Variants in PLXNB1 observed in about 807,000 individuals in gnomAD.
The protein encoded by PLXNB1 is plexin-B1.
In PLXNB1, 106 loss-of-function variants were observed where a neutral mutation model predicts 209.4. That is an observed-to-expected ratio of 0.51 (90% CI 0.43 to 0.59). The LOEUF (loss-of-function observed/expected upper bound fraction) is 0.59. Ranked by LOEUF, PLXNB1 falls within the 20% of genes least tolerant of loss-of-function variation. The pLI, the probability that PLXNB1 is intolerant of heterozygous loss-of-function variation, is 0.00. For synonymous variants in PLXNB1, 1,167 were observed against 1,183.2 expected (o/e 0.99, Z 0.28); for missense variants, 2,357 against 2,853.2 (o/e 0.83, Z 3.96).
At position 48,409,858 on chromosome 3, in the gene PLXNB1, T is replaced by C; in HGVS notation, c.5778+47A>G. The C allele has an allele frequency of 1.3e-6, 2 of 1,585,098 alleles. No individual in the cohort carries two copies. The highest frequency in any genetic ancestry group is 1.7e-6 in the Non-Finnish European group (2 of 1,161,986). On this transcript the variant is annotated intron_variant, in intron 32 of 37. Transcript: ENST00000296440. The surrounding 1 kb of genome is among the most constrained non-coding windows in gnomAD (Gnocchi z 5.8). ...CACCCCCAAATCCCACGAGTGGCCA[T>C]GCTCCCTCTCAGCCCAGGCCCCACT... is the stretch of plus-strand genomic sequence containing the variant.
Position 48,404,247 on chromosome 3 carries a change from T to C in PLXNB1, c.*239A>G, listed in dbSNP as rs2037176946. 3.8e-6 allele frequency: 2 copies of C among 523,622 alleles called. No homozygotes were observed. Among genetic ancestry groups the C allele is most frequent in the Non-Finnish European group, 3.4e-6 (1 of 295,788 alleles). The allele number at this position is 523,622 out of a possible 1,614,324, so 32.4% of individuals were successfully genotyped here. A position where few individuals can be genotyped will look rare whatever the true frequency, so the allele number is the denominator to read the frequency against. On this transcript the variant is annotated 3_prime_UTR_variant, in exon 38 of 38. Coordinates refer to ENST00000296440, the MANE Select transcript of PLXNB1 (RefSeq NM_001130082.3). ...TAGTCCCCAACTCCCTGCAGACCGG[T>C]GTCACAGGGTCGCTGGACTCGGGGA... is the stretch of plus-strand genomic sequence containing the variant.
At chr3:48,407,639 G>C (rs936083752) in intron 34 of PLXNB1, among the ~76,000 whole-genome samples, 1 of 152,220 alleles carries the variant, frequency 6.6e-6, no homozygotes, top group Admixed American at 6.5e-5. Flanking sequence ...CCTCATCCTA[G>C]AGCTGCTGGG....
chr3:48,411,187 T>C lies in PLXNB1; in HGVS notation c.5248-151A>G. The C allele has an allele frequency of 1.5e-6, 1 of 666,906 alleles. No homozygotes were observed. Among genetic ancestry groups the C allele is most frequent in the Non-Finnish European group, 2.5e-6 (1 of 400,722 alleles). 41.3% of individuals were successfully genotyped at this position (666,906 alleles called of 1,614,324 possible). The stretch of plus-strand genomic sequence containing the variant: ...ATTCTCGTCTCTTCACCTGCCTGCC[T>C]TCCCCAGGGACAGCAGCTTCCTCCC... On this transcript the variant is annotated intron_variant, in intron 28 of 37. Coordinates refer to ENST00000296440, the MANE Select transcript of PLXNB1 (RefSeq NM_001130082.3). This position sits in a 1 kb window ranked among gnomAD's most constrained non-coding sequence, Gnocchi z 4.0.
chr3:48,421,928 T>C, intron 6 of PLXNB1, 122 bp from the exon 7 acceptor site: 1 of 1,444,070 alleles, frequency 6.9e-7, no homozygotes, highest in Non-Finnish European at 9.3e-7. Flanking sequence ...TAGAGGCTCC[T>C]GTGTCTGCCC....
In PLXNB1 at chr3:48,410,625, C is replaced by T; in HGVS notation, c.5417-67G>A. ...CCCTTCCCATAGTGGAGCCCATCTC[C>T]TCCTCCACAGGGACACCAGCCCCTC... On this transcript the variant is annotated intron_variant, in intron 29 of 37. Coordinates refer to ENST00000296440, the MANE Select transcript of PLXNB1 (RefSeq NM_001130082.3). This position sits in a 1 kb window ranked among gnomAD's most constrained non-coding sequence, Gnocchi z 6.4. 3 of 1,344,196 alleles carry T rather than the reference C, an allele frequency of 2.2e-6. No individual in the cohort carries two copies. Among genetic ancestry groups the T allele is most frequent in the South Asian group, 1.2e-5 (1 of 84,072 alleles). 83.3% of individuals were successfully genotyped at this position (1,344,196 alleles called of 1,614,324 possible).
rs2037971523 is a variant in PLXNB1, at chr3:48,414,896, G to GA, written c.4111_4112insT (p.Pro1371LeufsTer5). The GA allele has an allele frequency of 6.2e-7, 1 of 1,613,956 alleles. No homozygotes were observed. The highest frequency in any genetic ancestry group is 8.5e-7 in the Non-Finnish European group (1 of 1,180,046). Reference sequence around the variant, plus strand: ...GGTGGGGTCGGCCTCATAGGAGAAAGGTGTGGGGTTCAGTGTTGCAAAGTC... The same window carrying GA: ...GGTGGGGTCGGCCTCATAGGAGAAAGAGTGTGGGGTTCAGTGTTGCAAAGTC... On this transcript the variant is annotated frameshift_variant, in exon 21 of 38. Coordinates refer to ENST00000296440, the MANE Select transcript of PLXNB1 (RefSeq NM_001130082.3). LOFTEE classifies it high-confidence loss of function.
In PLXNB1 at chr3:48,409,300, C is replaced by CT; in HGVS notation, c.6087+28_6087+29insA. 1.1e-5 allele frequency: 17 copies of CT among 1,484,146 alleles called. 1 individual carries two copies. The highest frequency in any genetic ancestry group is 1.2e-5 in the Non-Finnish European group (13 of 1,124,328). 91.9% of individuals were successfully genotyped at this position (1,484,146 alleles called of 1,614,324 possible). On this transcript the variant is annotated intron_variant, in intron 34 of 37. Coordinates refer to ENST00000296440, the MANE Select transcript of PLXNB1 (RefSeq NM_001130082.3). This position sits in a 1 kb window ranked among gnomAD's most constrained non-coding sequence, Gnocchi z 5.8. ...CACAGCACTGTCCACCCTCACCCATCCCCCCGTGTCCATCCCAGACTCGCT... is the reference window on the plus strand; with the variant it reads ...CACAGCACTGTCCACCCTCACCCATCTCCCCCGTGTCCATCCCAGACTCGCT...
chr3:48,421,137 A>G (rs1287948717), intron 8 of PLXNB1, 91 bp downstream of exon 8: 8 of 1,484,442 alleles, frequency 5.4e-6, no homozygotes, highest in Non-Finnish European at 7.4e-6. Flanking sequence ...GCATCCATTC[A>G]TGGCTCTTTG....
At position 48,424,422 on chromosome 3, in the gene PLXNB1, G is replaced by A. The variant is rs1374660215; in HGVS notation, c.190C>T (p.Leu64=). The change falls in exon 3 of 38, where the codon CTG becomes TTG. Residue 64 remains leucine, a synonymous_variant. Coordinates refer to ENST00000296440, the MANE Select transcript of PLXNB1 (RefSeq NM_001130082.3). ...FLFQLSPGLQ[L]EATVSTGPVL... ...GGGCCGGTGGACACTGTGGCCTCCA[G>A]CTGCAGCCCAGGGCTCAGCTGGAAC... The A allele has an allele frequency of 1.3e-6, 2 of 1,571,520 alleles. No individual in the cohort carries two copies. The highest frequency in any genetic ancestry group is 1.2e-5 in the South Asian group (1 of 85,780).
chr3:48,424,980 G>A (rs2038806475), intron 2 of PLXNB1, among the ~76,000 whole-genome samples: 1 of 152,216 alleles, frequency 6.6e-6, no homozygotes, highest in Non-Finnish European at 1.5e-5. Flanking sequence ...TGGGAAGGAG[G>A]GGCCCAGACC....
Position 48,411,995 on chromosome 3 carries a change from C to T in PLXNB1, c.5115G>A (p.Glu1705=). The change falls in exon 28 of 38, where the codon GAG becomes GAA. Residue 1705 remains glutamate, a synonymous_variant. Transcript: ENST00000296440. This position sits in a 1 kb window ranked among gnomAD's most constrained non-coding sequence, Gnocchi z 4.0. ...LYTFVRDSVG[E]PLYMLFRGIK... is the part of the protein sequence containing the mutation. The stretch of plus-strand genomic sequence containing the variant: ...TCCCTCGAAAGAGCATGTACAGAGG[C>T]TCCCCTACGGAGTCCTAGGAGAGCA... 1 of 1,614,078 alleles carries T rather than the reference C, an allele frequency of 6.2e-7. No individual in the cohort carries two copies. Among genetic ancestry groups the T allele is most frequent in the Middle Eastern group, 1.7e-4 (1 of 6,046 alleles).
At position 48,410,852 on chromosome 3, in the gene PLXNB1, C is replaced by T. The variant is rs760561154; in HGVS notation, c.5416+16G>A. The T allele has an allele frequency of 1.2e-6, 2 of 1,601,174 alleles. No homozygotes were observed. Among genetic ancestry groups the T allele is most frequent in the Middle Eastern group, 1.8e-4 (1 of 5,578 alleles). On this transcript the variant is annotated intron_variant, in intron 29 of 37. Coordinates refer to ENST00000296440, the MANE Select transcript of PLXNB1 (RefSeq NM_001130082.3). The surrounding 1 kb of genome is among the most constrained non-coding windows in gnomAD (Gnocchi z 6.4). The stretch of plus-strand genomic sequence containing the variant: ...CAACAGTGGCTCAGGTCCCCAGGGG[C>T]TCTCCACGCCCTCACCAACATCAAG...
rs750037445 is a variant in PLXNB1 at position 48,413,880 on chromosome 3, G to A, written c.4386+15C>T. 5 of 1,606,692 alleles carry A rather than the reference G, an allele frequency of 3.1e-6. No homozygotes were observed. The South Asian group carries it at 5.5e-5, about 18-fold the overall frequency. On this transcript the variant is annotated intron_variant, in intron 22 of 37. Transcript: ENST00000296440. This position sits in a 1 kb window ranked among gnomAD's most constrained non-coding sequence, Gnocchi z 5.4. ...CAGGTCAATGCCCAGCCCGGCCAGG[G>A]ACCTGCCCACTGACCGTGAACTCAG...
Position 48,420,059 on chromosome 3 carries a change from C to T in PLXNB1, c.2227G>A (p.Gly743Ser). Residue 743 changes from glycine (G) to serine (S), a missense_variant, in exon 11 of 38, where the codon GGC becomes AGC. By Grantham distance (56) the Gly-to-Ser change is moderately conservative. Coordinates refer to ENST00000296440, the MANE Select transcript of PLXNB1 (RefSeq NM_001130082.3). ...LSPWGPWAGS[G>S]SISSPGSTGS... ...GTGGAGCCAGGGGAAGATATGGAGC[C>T]AGAACCTGCCCATGGCCCCCAGGGG... The T allele has an allele frequency of 6.2e-7, 1 of 1,613,134 alleles. No individual in the cohort carries two copies. The highest frequency in any genetic ancestry group is 8.5e-7 in the Non-Finnish European group (1 of 1,179,738).
chr3:48,415,963 G>T lies in PLXNB1; in HGVS notation c.3617+68C>A. On this transcript the variant is annotated intron_variant, in intron 18 of 37. Transcript: ENST00000296440. This position sits in a 1 kb window ranked among gnomAD's most constrained non-coding sequence, Gnocchi z 5.0. ...CTCTTCCCCTTTCTGCTCTCCCCAGGATCTCAGACCCCTCCATCTTTCCCC... is the reference window on the plus strand; with the variant it reads ...CTCTTCCCCTTTCTGCTCTCCCCAGTATCTCAGACCCCTCCATCTTTCCCC... The T allele has an allele frequency of 6.6e-7, 1 of 1,525,250 alleles. No individual in the cohort carries two copies. The allele number at this position is 1,525,250 out of a possible 1,614,324, so 94.5% of individuals were successfully genotyped here.
Position 48,415,846 on chromosome 3 carries a change from G to T in PLXNB1, c.3618-87C>A. The T allele has an allele frequency of 1.4e-6, 2 of 1,391,476 alleles. No individual in the cohort carries two copies. Among genetic ancestry groups the T allele is most frequent in the Non-Finnish European group, 1.9e-6 (2 of 1,026,640 alleles). 86.2% of individuals were successfully genotyped at this position (1,391,476 alleles called of 1,614,324 possible). ...CCCCAACTGGCTTCCCTCAAGCGCT[G>T]ACTGCAGTCTCCACCAGGTGTCCCT... On this transcript the variant is annotated intron_variant, in intron 18 of 37. Transcript: ENST00000296440. This position sits in a 1 kb window ranked among gnomAD's most constrained non-coding sequence, Gnocchi z 5.0.
In PLXNB1 at chr3:48,415,617, T is replaced by C. The variant is rs914796738; in HGVS notation, c.3760A>G (p.Ile1254Val). 6.3e-6 allele frequency: 10 copies of C among 1,584,328 alleles called. No homozygotes were observed. The African/African-American group carries it at 8.0e-5, about 13-fold the overall frequency. The change falls in exon 19 of 38, where the codon ATC (isoleucine) becomes GTC (valine). Residue 1254 changes from isoleucine (I) to valine (V), a missense_variant. Physicochemically the swap from Ile to Val is conservative, Grantham distance 29. Around this residue, in one of 7 missense-constraint regions of PLXNB1, gnomAD observed 743 missense variants for 896.2 expected, o/e 0.83. Transcript: ENST00000296440. This position sits in a 1 kb window ranked among gnomAD's most constrained non-coding sequence, Gnocchi z 5.0. ...CTCTTGGTGGGGCCAGCAGAGGTGATGTTGGGGTCCAAGGTATACTTGAAC... is the reference window on the plus strand; with the variant it reads ...CTCTTGGTGGGGCCAGCAGAGGTGACGTTGGGGTCCAAGGTATACTTGAAC... ...GQFKYTLDPN[I>V]TSAGPTKSFL... is the part of the protein sequence containing the mutation.
At position 48,420,074 on chromosome 3, in the gene PLXNB1, G is replaced by A. The variant is rs1462081721; in HGVS notation, c.2212C>T (p.Pro738Ser). ...ASPSLLSPWG[P>S]WAGSGSISSP... ...GATATGGAGCCAGAACCTGCCCATG[G>A]CCCCCAGGGGCTGAGCAGGGAAGGA... is the stretch of plus-strand genomic sequence containing the variant. Residue 738 changes from proline to serine, a missense_variant, in exon 11 of 38, where the codon CCA becomes TCA. Pro to Ser is a moderately conservative substitution (Grantham distance 74). Transcript: ENST00000296440. 6.2e-7 allele frequency: 1 copy of A among 1,613,444 alleles called. No homozygotes were observed. Among genetic ancestry groups the A allele is most frequent in the Non-Finnish European group, 8.5e-7 (1 of 1,179,866 alleles).
At position 48,410,283 on chromosome 3, in the gene PLXNB1, G is replaced by C. The variant is rs369035002; in HGVS notation, c.5605+13C>G. The C allele has an allele frequency of 6.3e-7, 1 of 1,591,902 alleles. No homozygotes were observed. Among genetic ancestry groups the C allele is most frequent in the East Asian group, 2.2e-5 (1 of 44,656 alleles). ...CAGCAGGGGCAGAGGACCGTGATGG[G>C]AGCGGTACTCACGCTCTCCAGGGAC... On this transcript the variant is annotated intron_variant, in intron 31 of 37. Coordinates refer to ENST00000296440, the MANE Select transcript of PLXNB1 (RefSeq NM_001130082.3). This position sits in a 1 kb window ranked among gnomAD's most constrained non-coding sequence, Gnocchi z 6.4.
Sources: gnomAD v4.1 joint callset for allele counts (sites outside exome capture counted in the v4.1 genomes callset) on GRCh38, gnomAD v4.1.1 for gene constraint, gnomAD v4.1.1 regional missense constraint, Gnocchi (gnomAD v3.1) non-coding constraint, MANE v1.5 for transcripts, NCBI Gene and HGNC (gene_info 2026-07-23, HGNC 2026-07-21) for gene names.